Variants in EIF2AK2 observed in about 807,000 individuals in gnomAD.
EIF2AK2 encodes the protein interferon-induced, double-stranded RNA-activated protein kinase.
In EIF2AK2, 40 loss-of-function variants were observed where a neutral mutation model predicts 70.5. That is an observed-to-expected ratio of 0.57 (90% CI 0.44 to 0.74). The LOEUF (loss-of-function observed/expected upper bound fraction) is 0.74, where lower values mean the gene tolerates loss of function less well. Among genes scored for constraint, EIF2AK2 ranks in the 30% least tolerant of loss-of-function variants. The pLI is 0.00. For synonymous variants in EIF2AK2, 198 were observed against 220.9 expected (o/e 0.90, Z 0.92); for missense variants, 555 against 644.3 (o/e 0.86, Z 1.50).
At chr2:37,156,695 G>T (rs1675940971) in intron 1 of EIF2AK2, among the ~76,000 whole-genome samples, 1 of 152,194 alleles carries the variant, frequency 6.6e-6, no homozygotes, top group African/African-American at 2.4e-5. Flanking sequence ...CCTTTCCCTG[G>T]ATTTGGGGAG....
intron 14 of EIF2AK2, among the ~76,000 whole-genome samples, chr2:37,113,672 T>A (rs56725132): frequency 6.6e-6 from 1 of 151,930 alleles, no homozygotes; most frequent in Non-Finnish European, 1.5e-5. Flanking sequence ...TTATGAGAAA[T>A]TGGGAAAGGA....
chr2:37,134,059 G>A (rs567992119), intron 10 of EIF2AK2, among the ~76,000 whole-genome samples: 6 of 152,020 alleles, frequency 3.9e-5, no homozygotes, highest in South Asian at 4.1e-4. Context: ...TGTGTTTATC[G>A]CTGTCTTCTT....
intron 14 of EIF2AK2, among the ~76,000 whole-genome samples, chr2:37,114,047 T>G (rs1348546796): frequency 6.6e-6 from 1 of 152,104 alleles, no homozygotes; most frequent in Non-Finnish European, 1.5e-5. Flanking sequence ...CCTAAAGAAA[T>G]ACCCTTCGAT....
rs186352345 is a variant in EIF2AK2 at position 37,150,536 on chromosome 2, T to C, written c.-183-1513A>G. On this transcript the variant is annotated intron_variant, in intron 1 of 16. Coordinates refer to ENST00000233057, the MANE Select transcript of EIF2AK2 (RefSeq NM_001135651.3). The stretch of plus-strand genomic sequence containing the variant: ...TCATTTTCCCCATTGATTATTAAGA[T>C]TGCTTTGCATGGCCATTTTTATGGT... 1.6e-3 allele frequency among the ~76,000 whole-genome samples: 250 copies of C among 152,338 alleles called. 1 individual carries two copies. The highest frequency in any genetic ancestry group is 4.7e-3 in the African/African-American group (197 of 41,582).
chr2:37,116,190 C>T (rs556686923), intron 13 of EIF2AK2, among the ~76,000 whole-genome samples: 5 of 152,234 alleles, frequency 3.3e-5, no homozygotes, highest in East Asian at 1.9e-4. Context: ...TGAGCCACCA[C>T]GCCCAGCCCA....
chr2:37,144,693 C>T (rs1261744693), intron 4 of EIF2AK2, among the ~76,000 whole-genome samples: 2 of 151,800 alleles, frequency 1.3e-5, no homozygotes, highest in Non-Finnish European at 2.9e-5. Flanking sequence ...GTGATCCTCC[C>T]GCCTAGCCTC....
chr2:37,133,721 C>A (rs1675028746), intron 10 of EIF2AK2, among the ~76,000 whole-genome samples: 1 of 152,246 alleles, frequency 6.6e-6, no homozygotes, highest in Non-Finnish European at 1.5e-5. Context: ...TTCACCTAAG[C>A]AGCTATGTCT....
At chr2:37,149,785 A>G (rs1310661760) in intron 1 of EIF2AK2, among the ~76,000 whole-genome samples, 2 of 152,214 alleles carry the variant, frequency 1.3e-5, no homozygotes, top group South Asian at 4.1e-4. Flanking sequence ...ATCAGTGACC[A>G]GTCGTGTTAC....
chr2:37,153,121 G>T (rs1056357452), intron 1 of EIF2AK2, among the ~76,000 whole-genome samples: 1 of 118,174 alleles, frequency 8.5e-6, no homozygotes, highest in Non-Finnish European at 1.9e-5. Flanking sequence ...TGCAACCATT[G>T]TGATTTTTTT....
chr2:37,104,444 C>CA lies in EIF2AK2; in HGVS notation c.*2828dup, dbSNP rs1673906191. On this transcript the variant is annotated 3_prime_UTR_variant, in exon 17 of 17. Coordinates refer to ENST00000233057, the MANE Select transcript of EIF2AK2 (RefSeq NM_001135651.3). ...AAGTGATCCTCCCACCTCACCCCCC[C>CA]AAGTAGCTGGGACCACAGATGCACA... 1 of 152,180 alleles carries CA rather than the reference C, an allele frequency of 6.6e-6. No homozygotes were observed. Among genetic ancestry groups the CA allele is most frequent in the East Asian group, 1.9e-4 (1 of 5,186 alleles). The allele number at this position is 152,180 out of a possible 1,614,324, so 9.4% of individuals were successfully genotyped here.
At chr2:37,144,117 T>G (rs1480286185) in intron 4 of EIF2AK2, among the ~76,000 whole-genome samples, 1 of 152,158 alleles carries the variant, frequency 6.6e-6, no homozygotes, top group East Asian at 1.9e-4. Flanking sequence ...TTTCATATTT[T>G]TAGTACAGAC....
Position 37,105,222 on chromosome 2 carries a change from T to G in EIF2AK2, c.*2051A>C. The G allele has an allele frequency of 6.6e-6, 1 of 152,188 alleles. No homozygotes were observed. The highest frequency in any genetic ancestry group is 1.5e-5 in the Non-Finnish European group (1 of 68,038). The allele number at this position is 152,188 out of a possible 1,614,324, so 9.4% of individuals were successfully genotyped here. ...GAATGGTAGCTGGTTGCTGCTATAG[T>G]TTGCATGTTTGTCCCCCAAAATCTC... is the stretch of plus-strand genomic sequence containing the variant. On this transcript the variant is annotated 3_prime_UTR_variant, in exon 17 of 17. Coordinates refer to ENST00000233057, the MANE Select transcript of EIF2AK2 (RefSeq NM_001135651.3).
intron 10 of EIF2AK2, among the ~76,000 whole-genome samples, chr2:37,131,453 G>A (rs1364996179): frequency 2.0e-5 from 3 of 152,136 alleles, no homozygotes; most frequent in Non-Finnish European, 2.9e-5. Flanking sequence ...CTCTTCAGGT[G>A]TTTTCTTCTC....
intron 1 of EIF2AK2, among the ~76,000 whole-genome samples, chr2:37,156,278 C>T (rs1675921240): frequency 6.6e-6 from 1 of 152,064 alleles, no homozygotes; most frequent in Non-Finnish European, 1.5e-5. Flanking sequence ...GCCTGTGAGC[C>T]TTAATAAATG....
intron 12 of EIF2AK2, among the ~76,000 whole-genome samples, chr2:37,121,006 G>A (rs1292472676): frequency 6.7e-6 from 1 of 148,440 alleles, no homozygotes; most frequent in African/African-American, 2.4e-5. Flanking sequence ...GCTCACGCAT[G>A]TAATCCCAGC....
At chr2:37,130,669 A>G (rs1260914081) in intron 10 of EIF2AK2, among the ~76,000 whole-genome samples, 1 of 152,080 alleles carries the variant, frequency 6.6e-6, no homozygotes, top group Non-Finnish European at 1.5e-5. Context: ...TTTTACTTGG[A>G]CTGACGCTGA....
chr2:37,155,759 G>A (rs1337186170), intron 1 of EIF2AK2, among the ~76,000 whole-genome samples: 2 of 151,978 alleles, frequency 1.3e-5, no homozygotes, highest in African/African-American at 4.8e-5. Flanking sequence ...TGGCCAACAC[G>A]GTGAAACCCT....
chr2:37,147,038 C>G (rs1016069686), intron 3 of EIF2AK2, 65 bp from the exon 4 acceptor site: 68 of 1,457,218 alleles, frequency 4.7e-5, no homozygotes, highest in Non-Finnish European at 6.2e-5. Flanking sequence ...AACAAGTACT[C>G]TAGTCATCAC....
At chr2:37,123,240 T>C (rs182667496) in intron 11 of EIF2AK2, among the ~76,000 whole-genome samples, 2 of 152,226 alleles carry the variant, frequency 1.3e-5, no homozygotes, top group Non-Finnish European at 2.9e-5. Context: ...TGTAGTACTC[T>C]TGAAATGCCA....
Sources: gnomAD v4.1 joint callset for allele counts (sites outside exome capture counted in the v4.1 genomes callset) on GRCh38, gnomAD v4.1.1 for gene constraint, MANE v1.5 for transcripts, NCBI Gene and HGNC (gene_info 2026-07-23, HGNC 2026-07-21) for gene names.